Variants in L3MBTL4 observed in about 807,000 individuals in gnomAD.
L3MBTL4 encodes lethal(3)malignant brain tumor-like protein 4.
L3MBTL4 carries 70 observed loss-of-function variants against 84.5 expected under a neutral mutation model. That is an observed-to-expected ratio of 0.83 (90% confidence interval 0.68 to 1.01). The LOEUF is 1.01. Ranked by LOEUF, L3MBTL4 falls within the 50% of genes least tolerant of loss-of-function variation. L3MBTL4 has a pLI of 0.00. For synonymous variants in L3MBTL4, 274 were observed against 259.8 expected (o/e 1.05, Z -0.52); for missense variants, 715 against 754.8 (o/e 0.95, Z 0.62).
chr18:6,368,899 G>C (rs543935563), intron 1 of L3MBTL4, among the ~76,000 whole-genome samples: 24 of 152,086 alleles, frequency 1.6e-4, no homozygotes, highest in Admixed American at 1.5e-3. Context: ...AAAATTAGTC[G>C]GGTGTGATGG....
intron 1 of L3MBTL4, among the ~76,000 whole-genome samples, chr18:6,403,747 T>C (rs1448173090): frequency 6.6e-6 from 1 of 152,178 alleles, no homozygotes; most frequent in Non-Finnish European, 1.5e-5. Context: ...CACTACTGGG[T>C]ATCTAGCCAA....
intron 14 of L3MBTL4, among the ~76,000 whole-genome samples, chr18:6,112,497 C>T (rs974504532): frequency 6.6e-6 from 1 of 152,158 alleles, no homozygotes; most frequent in South Asian, 2.1e-4. Context: ...TCTCTGGCTG[C>T]ACAGAGGCCT....
chr18:6,233,549 G>A (rs1599262706), intron 10 of L3MBTL4, among the ~76,000 whole-genome samples: 1 of 150,714 alleles, frequency 6.6e-6, no homozygotes, highest in Non-Finnish European at 1.5e-5. Context: ...CAAATCATGA[G>A]TGAACTCCCA....
intron 16 of L3MBTL4, among the ~76,000 whole-genome samples, chr18:6,038,950 G>A (rs2056278503): frequency 6.6e-6 from 1 of 151,968 alleles, no homozygotes; most frequent in Non-Finnish European, 1.5e-5. Context: ...CTCATGATGG[G>A]ATTAGTGCCC....
At chr18:6,304,022 A>T (rs558319635) in intron 3 of L3MBTL4, among the ~76,000 whole-genome samples, 1 of 144,050 alleles carries the variant, frequency 6.9e-6, no homozygotes, top group African/African-American at 2.6e-5. Flanking sequence ...CTCAAAAAAA[A>T]AAAAAAACAA....
intron 14 of L3MBTL4, among the ~76,000 whole-genome samples, chr18:6,097,714 C>T (rs2058687062): frequency 6.6e-6 from 1 of 152,214 alleles, no homozygotes; most frequent in Non-Finnish European, 1.5e-5. Flanking sequence ...CCTAGTCAGC[C>T]TTGTGGGCTC....
At chr18:6,011,272 A>C (rs2054722902) in intron 16 of L3MBTL4, among the ~76,000 whole-genome samples, 1 of 152,214 alleles carries the variant, frequency 6.6e-6, no homozygotes, top group Non-Finnish European at 1.5e-5. Flanking sequence ...ACAAGTTCTC[A>C]TTTAGTCTGT....
chr18:6,025,647 A>C (rs1465897254), intron 16 of L3MBTL4, among the ~76,000 whole-genome samples: 1 of 152,162 alleles, frequency 6.6e-6, no homozygotes, highest in Non-Finnish European at 1.5e-5. Flanking sequence ...AGATTCGTGG[A>C]AGACATTTTT....
intron 16 of L3MBTL4, among the ~76,000 whole-genome samples, chr18:5,987,987 C>T (rs758285270): frequency 1.3e-5 from 2 of 152,064 alleles, no homozygotes; most frequent in East Asian, 3.9e-4. Flanking sequence ...TATAATTAAG[C>T]ATAAATACAT....
chr18:6,131,278 T>G (rs1469585601), intron 14 of L3MBTL4, among the ~76,000 whole-genome samples: 1 of 152,212 alleles, frequency 6.6e-6, no homozygotes, highest in Non-Finnish European at 1.5e-5. Context: ...TGCCACCTTC[T>G]TAAAGTGGAG....
intron 10 of L3MBTL4, among the ~76,000 whole-genome samples, chr18:6,236,964 C>T (rs2047240453): frequency 6.6e-6 from 1 of 152,298 alleles, no homozygotes; most frequent in Non-Finnish European, 1.5e-5. Context: ...ACATCCCTTA[C>T]TCTACATTTC....
intron 16 of L3MBTL4, among the ~76,000 whole-genome samples, chr18:6,015,305 G>A (rs934538746): frequency 8.6e-5 from 13 of 151,946 alleles, no homozygotes; most frequent in Admixed American, 4.6e-4. Context: ...GAAGAAGAAG[G>A]GGCGGTTATG....
At chr18:6,213,734 T>C (rs559057122) in intron 11 of L3MBTL4, among the ~76,000 whole-genome samples, 21 of 152,292 alleles carry the variant, frequency 1.4e-4, no homozygotes, top group South Asian at 2.1e-4. Flanking sequence ...TAAGAGCACA[T>C]AGGACTGTAT....
chr18:6,408,677 C>T (rs1373583486), intron 1 of L3MBTL4, among the ~76,000 whole-genome samples: 1 of 151,052 alleles, frequency 6.6e-6, no homozygotes, highest in Non-Finnish European at 1.5e-5. Flanking sequence ...TTCTTTTTTT[C>T]TTCTTCTTCT....
At chr18:6,149,491 T>C (rs1055567317) in intron 13 of L3MBTL4, among the ~76,000 whole-genome samples, 36 of 151,926 alleles carry the variant, frequency 2.4e-4, no homozygotes, top group Admixed American at 2.2e-3. Context: ...CTATTGTGAA[T>C]AGTGCCGCAA....
chr18:6,375,803 A>G (rs1335319998), intron 1 of L3MBTL4, among the ~76,000 whole-genome samples: 1 of 152,160 alleles, frequency 6.6e-6, no homozygotes, highest in Non-Finnish European at 1.5e-5. Context: ...AATAATAAAG[A>G]AAGAAGGGCC....
chr18:6,159,687 A>T (rs1385252545), intron 13 of L3MBTL4, among the ~76,000 whole-genome samples: 1 of 152,186 alleles, frequency 6.6e-6, no homozygotes, highest in Admixed American at 6.5e-5. Flanking sequence ...GGCCAGCACC[A>T]CCAGGCCACT....
chr18:6,126,317 C>G (rs1598836154), intron 14 of L3MBTL4, among the ~76,000 whole-genome samples: 1 of 152,014 alleles, frequency 6.6e-6, no homozygotes, highest in Admixed American at 6.6e-5. Flanking sequence ...ATATTTCTAA[C>G]TTTTTAAAGA....
Position 6,215,741 on chromosome 18 carries a change from A to G in L3MBTL4, c.870+9T>C. ...TAAAGGTGAGAGTTTGTACCCACATAGAACTTACCATTTTAAAAACTTTGG... is the reference window on the plus strand; with the variant it reads ...TAAAGGTGAGAGTTTGTACCCACATGGAACTTACCATTTTAAAAACTTTGG... On this transcript the variant is annotated intron_variant, in intron 11 of 18. Coordinates refer to ENST00000317931, the MANE Select transcript of L3MBTL4 (RefSeq NM_001330559.2). 6.4e-7 allele frequency: 1 copy of G among 1,566,314 alleles called. No individual in the cohort carries two copies. Among genetic ancestry groups the G allele is most frequent in the East Asian group, 2.3e-5 (1 of 44,354 alleles).
Sources: gnomAD v4.1 joint callset for allele counts (sites outside exome capture counted in the v4.1 genomes callset) on GRCh38, gnomAD v4.1.1 for gene constraint, MANE v1.5 for transcripts, NCBI Gene and HGNC (gene_info 2026-07-23, HGNC 2026-07-21) for gene names.